Variants in ANXA8 observed in about 807,000 individuals in gnomAD.
The protein encoded by ANXA8 is annexin A8.
Under a neutral mutation model 26.8 loss-of-function variants are expected in ANXA8, and 9 were observed. The ratio of observed to expected loss-of-function variants is 0.34; its 90% CI spans 0.20 to 0.59. The LOEUF is 0.59. Ranked by LOEUF, ANXA8 falls within the 20% of genes least tolerant of loss-of-function variation. ANXA8 has a pLI of 0.84. For missense variants in ANXA8, 83 were observed against 238.5 expected (o/e 0.35, Z 4.29); for synonymous variants, 39 against 94.8 (o/e 0.41, Z 3.42).
chr10:47,546,463 C>T, the ANXA8 span, among the ~76,000 whole-genome samples: 1 of 110,526 alleles, frequency 9.0e-6, no homozygotes, highest in Non-Finnish European at 1.7e-5. Context: ...AGTGCAGTGG[C>T]TTGATCTCGG....
At chr10:47,778,883 C>T in the ANXA8 span, among the ~76,000 whole-genome samples, 12 of 142,744 alleles carry the variant, frequency 8.4e-5, no homozygotes, top group East Asian at 2.1e-4. Flanking sequence ...TATATGATGG[C>T]GGATTTCTGC....
chr10:47,664,047 A>G, the ANXA8 span, among the ~76,000 whole-genome samples: 1 of 150,558 alleles, frequency 6.6e-6, no homozygotes, highest in South Asian at 2.1e-4. Context: ...GACATTGACT[A>G]CATTGTCTAC....
chr10:47,756,265 G>C, the ANXA8 span: 1 of 249,490 alleles, frequency 4.0e-6, no homozygotes, highest in Non-Finnish European at 6.7e-6. Context: ...AGGCAGGTGG[G>C]AGCAGAGCCC....
chr10:47,646,106 A>G, the ANXA8 span, among the ~76,000 whole-genome samples: 1 of 149,368 alleles, frequency 6.7e-6, no homozygotes, highest in African/African-American at 2.6e-5. Flanking sequence ...CTATATCTGT[A>G]TCATCTGTAT....
chr10:47,585,213 G>A, the ANXA8 span, among the ~76,000 whole-genome samples: 2 of 108,544 alleles, frequency 1.8e-5, no homozygotes, highest in Non-Finnish European at 1.7e-5. Context: ...GCAGTGAACC[G>A]AGATCGCACC....
the ANXA8 span, among the ~76,000 whole-genome samples, chr10:47,737,152 A>G: frequency 6.8e-6 from 1 of 147,222 alleles, no homozygotes; most frequent in Non-Finnish European, 1.5e-5. Context: ...CTTGTTATAT[A>G]TGTTTGACAT....
At chr10:47,536,566 C>T in the ANXA8 span, among the ~76,000 whole-genome samples, 6 of 127,420 alleles carry the variant, frequency 4.7e-5, 1 homozygote, top group African/African-American at 7.4e-5. Context: ...TATATATATA[C>T]ACACACACAC....
At chr10:47,958,854 T>C in the ANXA8 span, among the ~76,000 whole-genome samples, 20 of 149,904 alleles carry the variant, frequency 1.3e-4, 1 homozygote, top group African/African-American at 4.5e-4. Context: ...CTCACTATCA[T>C]GAGAACAGCA....
At chr10:47,918,430 A>AG in the ANXA8 span, among the ~76,000 whole-genome samples, 19 of 34,578 alleles carry the variant, frequency 5.5e-4, no homozygotes, top group East Asian at 3.9e-3. Flanking sequence ...AGAAAGAAAG[A>AG]AAGAGAGAGA....
upstream of ANXA8, among the ~76,000 whole-genome samples, chr10:47,488,986 A>G (rs1253768771): frequency 2.0e-5 from 3 of 148,138 alleles, no homozygotes; most frequent in Non-Finnish European, 1.5e-5. Context: ...AAGTGCTGGG[A>G]TTACAGGCGT....
At chr10:47,736,685 C>A in the ANXA8 span, among the ~76,000 whole-genome samples, 1 of 148,604 alleles carries the variant, frequency 6.7e-6, no homozygotes, top group Non-Finnish European at 1.5e-5. Flanking sequence ...GACACAGTTT[C>A]ACTCTGTCAC....
chr10:47,668,720 G>A, the ANXA8 span, among the ~76,000 whole-genome samples: 1 of 150,670 alleles, frequency 6.6e-6, no homozygotes, highest in Non-Finnish European at 1.5e-5. Flanking sequence ...TCTATTTTTT[G>A]TTTTCCTTTG....
At chr10:47,576,455 C>CTTT in the ANXA8 span, among the ~76,000 whole-genome samples, 235 of 74,196 alleles carry the variant, frequency 3.2e-3, 4 homozygotes, top group African/African-American at 0.01. Context: ...ACATCCCTAT[C>CTTT]TTTTTTTTTT....
chr10:47,989,310 G>A, the ANXA8 span, among the ~76,000 whole-genome samples: 3 of 123,274 alleles, frequency 2.4e-5, no homozygotes, highest in South Asian at 3.2e-4. Context: ...AGTGCCTGCC[G>A]GCTTCCCTCT....
chr10:47,700,023 G>C, the ANXA8 span, among the ~76,000 whole-genome samples: 1 of 151,840 alleles, frequency 6.6e-6, no homozygotes, highest in African/African-American at 2.4e-5. Context: ...TGAATAAATG[G>C]AAAGACATTT....
the ANXA8 span, among the ~76,000 whole-genome samples, chr10:47,699,679 A>C: frequency 6.6e-6 from 1 of 151,174 alleles, no homozygotes; most frequent in African/African-American, 2.4e-5. Context: ...AAAAGAAAAA[A>C]ATGCTGGGTG....
chr10:47,669,174 A>G, the ANXA8 span, among the ~76,000 whole-genome samples: 1 of 151,820 alleles, frequency 6.6e-6, no homozygotes, highest in Non-Finnish European at 1.5e-5. Context: ...TAACCTAACC[A>G]TGTGGTATTT....
intron 1 of ANXA8, among the ~76,000 whole-genome samples, chr10:47,481,511 T>C (rs1839796895): frequency 6.9e-6 from 1 of 144,096 alleles, no homozygotes; most frequent in African/African-American, 2.5e-5. Context: ...CATCTGGGAA[T>C]GTGGGAGGCA....
the ANXA8 span, among the ~76,000 whole-genome samples, chr10:47,729,675 A>G: frequency 6.6e-6 from 1 of 151,694 alleles, no homozygotes; most frequent in Non-Finnish European, 1.5e-5. Context: ...GTACTGCAGC[A>G]TAACCAGAAC....
Sources: gnomAD v4.1 joint callset for allele counts (sites outside exome capture counted in the v4.1 genomes callset) on GRCh38, gnomAD v4.1.1 for gene constraint, MANE v1.5 for transcripts, NCBI Gene and HGNC (gene_info 2026-07-23, HGNC 2026-07-21) for gene names.